The following MAMLD1 variants were observed in gnomAD, a reference collection of about 807,000 sequenced individuals.
The protein encoded by MAMLD1 is mastermind like domain containing 1, also known as mastermind-like domain-containing protein 1.
Under a neutral mutation model 45.0 loss-of-function variants are expected in MAMLD1, and 14 were observed. That is an observed-to-expected ratio of 0.31 (90% confidence interval 0.21 to 0.49). The LOEUF (loss-of-function observed/expected upper bound fraction) is 0.49. Among genes scored for constraint, MAMLD1 ranks in the 20% least tolerant of loss-of-function variants. MAMLD1 has a pLI of 0.99. For synonymous variants in MAMLD1, 254 were observed against 247.8 expected, an observed-to-expected ratio of 1.02 and a Z score of -0.24; for missense variants, 543 against 603.6, an observed-to-expected ratio of 0.90 and a Z score of 1.05.
chrX:150,491,405 T>C (rs1198934605), intron 5 of MAMLD1, among the ~76,000 whole-genome samples: 2 of 112,105 alleles, frequency 1.8e-5, no homozygotes, highest in Non-Finnish European at 3.8e-5. Context: ...CCAAGCACAG[T>C]GGATGGGCTT....
chrX:150,511,493 C>G (rs2037897573), intron 7 of MAMLD1, among the ~76,000 whole-genome samples: 1 of 112,014 alleles, frequency 8.9e-6, no homozygotes, highest in African/African-American at 3.2e-5. Context: ...AAAGCACCGT[C>G]TGCACTCACT....
At chrX:150,463,419 C>A (rs782052807) in intron 3 of MAMLD1, among the ~76,000 whole-genome samples, 1 of 111,959 alleles carries the variant, frequency 8.9e-6, no homozygotes. Context: ...GCAGTTCTGA[C>A]GGTCTAGGAG....
At chrX:150,437,353 A>T (rs782275168) in intron 1 of MAMLD1, among the ~76,000 whole-genome samples, 21 of 111,742 alleles carry the variant, frequency 1.9e-4, no homozygotes, top group Non-Finnish European at 3.6e-4. Flanking sequence ...CTTTTTTAAA[A>T]TGTGTGCATT....
At chrX:150,403,253 T>A (rs1279615008) in intron 1 of MAMLD1, among the ~76,000 whole-genome samples, 2 of 111,270 alleles carry the variant, frequency 1.8e-5, no homozygotes, top group African/African-American at 6.5e-5. Context: ...GGCAAATCAG[T>A]AAATCATAAG....
At position 150,394,741 on chromosome X, in the gene MAMLD1, T is replaced by A. The variant is rs184938990; in HGVS notation, c.-64+31211T>A. On this transcript the variant is annotated intron_variant, in intron 1 of 7. Coordinates refer to ENST00000370401, the MANE Select transcript of MAMLD1 (RefSeq NM_005491.5). The stretch of plus-strand genomic sequence containing the variant: ...GTTTTTTTTAATTTTAAATTCCACT[T>A]GTTATTGCTGGTATGTAAGAATGTG... Among the ~76,000 whole-genome samples the A allele has an allele frequency of 3.8e-4, 42 of 111,626 alleles. No individual in the cohort carries two copies. The East Asian group carries it at 0.012, about 31-fold the overall frequency.
intron 1 of MAMLD1, among the ~76,000 whole-genome samples, chrX:150,398,296 G>C (rs956197957): frequency 3.5e-4 from 32 of 90,400 alleles, no homozygotes; most frequent in African/African-American, 1.2e-3. Flanking sequence ...AGAAGAAGAA[G>C]AAGAAGAAGA....
intron 5 of MAMLD1, among the ~76,000 whole-genome samples, chrX:150,502,635 T>C (rs2037592291): frequency 8.9e-6 from 1 of 112,130 alleles, no homozygotes. Context: ...CACACACAAG[T>C]CCTAAAATCT....
At position 150,365,898 on chromosome X, in the gene MAMLD1, C is replaced by G. The variant is rs2031400839; in HGVS notation, c.-64+2368C>G. Reference sequence around the variant, plus strand: ...AGCTTTAGTTAGATTGACCATTTAGCGGGTCCTTGTCCCTTATAACTGCCC... The same window carrying G: ...AGCTTTAGTTAGATTGACCATTTAGGGGGTCCTTGTCCCTTATAACTGCCC... On this transcript the variant is annotated intron_variant, in intron 1 of 7. Coordinates refer to ENST00000370401, the MANE Select transcript of MAMLD1 (RefSeq NM_005491.5). 1.8e-5 allele frequency among the ~76,000 whole-genome samples: 2 copies of G among 112,512 alleles called. 1 individual carries two copies. The highest frequency in any genetic ancestry group is 7.2e-4 in the South Asian group (2 of 2,770).
chrX:150,453,358 A>T (rs1309083434), intron 2 of MAMLD1, among the ~76,000 whole-genome samples: 7 of 112,051 alleles, frequency 6.2e-5, no homozygotes, highest in Non-Finnish European at 1.1e-4. Flanking sequence ...CTGGGCCATC[A>T]CAGAAGAAGT....
intron 1 of MAMLD1, among the ~76,000 whole-genome samples, chrX:150,438,886 T>G: frequency 8.9e-6 from 1 of 112,255 alleles, no homozygotes. Context: ...TGGGGTCAAA[T>G]GGTAATTCTA....
Position 150,513,765 on chromosome X carries a change from T to A in MAMLD1, c.*1806T>A, listed in dbSNP as rs1228639911. On this transcript the variant is annotated 3_prime_UTR_variant, in exon 8 of 8. Coordinates refer to ENST00000370401, the MANE Select transcript of MAMLD1 (RefSeq NM_005491.5). ...TGTGAGCCGAGCCCTGTCTCAGCAA[T>A]CCACCTGGAGGAGCTAGAGTATCCT... 3.4e-5 allele frequency: 10 copies of A among 295,551 alleles called. No homozygotes were observed. Among genetic ancestry groups the A allele is most frequent in the African/African-American group, 2.8e-4 (10 of 36,276 alleles). 24.4% of individuals were successfully genotyped at this position (295,551 alleles called of 1,213,427 possible). A position where few individuals can be genotyped will look rare whatever the true frequency, so the allele number is the denominator to read the frequency against.
At chrX:150,452,447 G>T (rs1340881898) in intron 2 of MAMLD1, among the ~76,000 whole-genome samples, 2 of 111,015 alleles carry the variant, frequency 1.8e-5, no homozygotes, top group Admixed American at 1.9e-4. Context: ...AGGGTAGAAG[G>T]TGAGACTGTA....
chrX:150,370,474 T>G (rs1411086422), intron 1 of MAMLD1, among the ~76,000 whole-genome samples: 1 of 112,028 alleles, frequency 8.9e-6, no homozygotes, highest in Non-Finnish European at 1.9e-5. Context: ...AAAGGCCCCA[T>G]GGAGCTGTCA....
chrX:150,398,262 A>AGAAGAAGAAGAAGAG, intron 1 of MAMLD1, among the ~76,000 whole-genome samples: 3 of 28,958 alleles, frequency 1.0e-4, no homozygotes, highest in Admixed American at 4.5e-4. Flanking sequence ...GAGAAGAAGA[A>AGAAGAAGAAGAAGAG]GAAGAAGAAG....
rs1569564586 is a variant in MAMLD1 at position 150,398,319 on chromosome X, AGAAGAAGAAGAAGAAGAAGAAGAG to A, written c.-64+34795_-64+34818del. On this transcript the variant is annotated intron_variant, in intron 1 of 7. Transcript: ENST00000370401. ...AAGAAGAAGAAGAAGAAGAAGAAGA[AGAAGAAGAAGAAGAAGAAGAAGAG>A]GAAGAGGAAGAGGAAGAGGAAGAGG... Among the ~76,000 whole-genome samples, 494 of 93,930 alleles carry A rather than the reference AGAAGAAGAAGAAGAAGAAGAAGAG, an allele frequency of 5.3e-3. 1 individual carries two copies. The highest frequency in any genetic ancestry group is 7.7e-3 in the Non-Finnish European group (350 of 45,466). 81.6% of individuals were successfully genotyped at this position (93,930 alleles called of 115,157 possible).
chrX:150,372,016 T>C (rs1204669002), intron 1 of MAMLD1, among the ~76,000 whole-genome samples: 1 of 112,108 alleles, frequency 8.9e-6, no homozygotes, highest in African/African-American at 3.2e-5. Flanking sequence ...CTCAGTCAAG[T>C]GTAGAACATC....
At chrX:150,414,719 T>C (rs2034208419) in intron 1 of MAMLD1, among the ~76,000 whole-genome samples, 1 of 111,458 alleles carries the variant, frequency 9.0e-6, no homozygotes, top group Non-Finnish European at 1.9e-5. Context: ...TGAAGTATAG[T>C]GTGGAGGAAA....
chrX:150,377,098 T>C lies in MAMLD1; in HGVS notation c.-64+13568T>C, dbSNP rs1557401476. The stretch of plus-strand genomic sequence containing the variant: ...CCCGAACAGCCACCAACTTTGGGAC[T>C]GTATCTCTCAGCTCCAGCCCAGCTA... On this transcript the variant is annotated intron_variant, in intron 1 of 7. Coordinates refer to ENST00000370401, the MANE Select transcript of MAMLD1 (RefSeq NM_005491.5). Among the ~76,000 whole-genome samples the C allele has an allele frequency of 2.6e-5, 3 of 113,397 alleles. No individual in the cohort carries two copies. In the South Asian group the frequency reaches 1.1e-3, roughly 40 times the overall value.
chrX:150,441,049 T>A (rs1203250535), intron 1 of MAMLD1, among the ~76,000 whole-genome samples: 4 of 103,850 alleles, frequency 3.9e-5, no homozygotes, highest in African/African-American at 1.4e-4. Flanking sequence ...AATAAAAATA[T>A]TATTAATATT....
Sources: allele counts gnomAD v4.1 joint callset (sites outside exome capture counted in the v4.1 genomes callset), GRCh38; gene constraint gnomAD v4.1.1; transcripts MANE v1.5; gene names NCBI Gene and HGNC (gene_info 2026-07-23, HGNC 2026-07-21).